The following PTK2B variants were observed in gnomAD, a reference collection of about 807,000 sequenced individuals.
PTK2B encodes the protein protein-tyrosine kinase 2-beta.
Under a neutral mutation model 142.9 loss-of-function variants are expected in PTK2B, and 71 were observed. The observed-to-expected ratio is 0.50, with a 90% confidence interval of 0.41 to 0.61. PTK2B has a LOEUF of 0.61. PTK2B is among the 20% of genes least tolerant of loss of function. The pLI, the probability that PTK2B is intolerant of heterozygous loss-of-function variation, is 0.00. For missense variants in PTK2B, 1,105 were observed against 1,320.4 expected (o/e 0.84, Z 2.53); for synonymous variants, 519 against 503.4 (o/e 1.03, Z -0.42).
chr8:27,430,930 A>G lies in PTK2B; in HGVS notation c.724A>G (p.Arg242Gly), dbSNP rs1042968623. 3 of 1,614,074 alleles carry G rather than the reference A, an allele frequency of 1.9e-6. No individual in the cohort carries two copies. Among genetic ancestry groups the G allele is most frequent in the African/African-American group, 2.7e-5 (2 of 74,942 alleles). Residue 242 changes from arginine to glycine, a missense_variant, in exon 8 of 31, where the codon AGG (arginine) becomes GGG (glycine). Transcript: ENST00000346049. ...QQTFQQYASL[R>G]EEECVMKFFN... Reference sequence around the variant, plus strand: ...GACCTTCCAGCAGTACGCCTCGCTCAGGGAGGAGGAGTGCGTCATGAAGTT... The same window carrying G: ...GACCTTCCAGCAGTACGCCTCGCTCGGGGAGGAGGAGTGCGTCATGAAGTT...
At chr8:27,377,541 C>T (rs1347656732) in intron 1 of PTK2B, among the ~76,000 whole-genome samples, 2 of 152,104 alleles carry the variant, frequency 1.3e-5, no homozygotes, top group Non-Finnish European at 2.9e-5. Flanking sequence ...ATGGGGAGGT[C>T]TTAGTTCTAG....
chr8:27,371,398 T>A (rs929392301), intron 1 of PTK2B, among the ~76,000 whole-genome samples: 3 of 152,180 alleles, frequency 2.0e-5, no homozygotes, highest in Non-Finnish European at 4.4e-5. Context: ...GCGTGAAGAA[T>A]GTGAGTTTTG....
intron 2 of PTK2B, among the ~76,000 whole-genome samples, chr8:27,417,367 TTCTA>T: frequency 6.6e-6 from 1 of 152,030 alleles, no homozygotes; most frequent in African/African-American, 2.4e-5. Context: ...TTATACGAAG[TTCTA>T]GAACAGGCAA....
chr8:27,432,314 G>C lies in PTK2B; in HGVS notation c.940G>C (p.Glu314Gln). The C allele has an allele frequency of 6.2e-7, 1 of 1,614,066 alleles. No homozygotes were observed. The highest frequency in any genetic ancestry group is 8.5e-7 in the Non-Finnish European group (1 of 1,180,034). The change falls in exon 10 of 31, where the codon GAG becomes CAG. Residue 314 changes from glutamate to glutamine, a missense_variant. Transcript: ENST00000346049. The stretch of plus-strand genomic sequence containing the variant: ...CAGGTCCATCAGGTGCCTCCCGCTG[G>C]AGGAGGGCCAGGCAGTACTTCAGCT... ...QIRSIRCLPL[E>Q]EGQAVLQLGI...
intron 10 of PTK2B, 125 bp downstream of exon 10, chr8:27,432,486 T>A (rs1422554980): frequency 1.2e-6 from 1 of 828,332 alleles, no homozygotes; most frequent in African/African-American, 1.7e-5. Context: ...GCTTTGGGGA[T>A]CGTGTTAAGA....
intron 2 of PTK2B, among the ~76,000 whole-genome samples, chr8:27,312,700 C>T (rs1187216771): frequency 6.6e-6 from 1 of 152,170 alleles, no homozygotes; most frequent in Non-Finnish European, 1.5e-5. Flanking sequence ...AATTAGAATT[C>T]CTTTTCCCCA....
chr8:27,380,778 AG>A (rs1806966115), intron 1 of PTK2B: 1 of 152,184 alleles, frequency 6.6e-6, no homozygotes, highest in Non-Finnish European at 1.5e-5. Flanking sequence ...CCCAGTGGAG[AG>A]GCCTCACCAT....
rs774375387 is a variant in PTK2B at position 27,454,335 on chromosome 8, C to T, written c.2733+44C>T. The T allele has an allele frequency of 2.9e-5, 47 of 1,597,132 alleles. 1 individual carries two copies. The South Asian group carries it at 3.7e-4, about 13-fold the overall frequency. On this transcript the variant is annotated intron_variant, in intron 29 of 30. Coordinates refer to ENST00000346049, the MANE Select transcript of PTK2B (RefSeq NM_173176.3). ...TGGGGAGGTGGAGGCGGCTCAAGTC[C>T]GCCCTGGAAGGAAAGGGGACTGCGC... is the stretch of plus-strand genomic sequence containing the variant.
chr8:27,350,990 A>AAAATATATAT (rs1554483396), intron 1 of PTK2B, among the ~76,000 whole-genome samples: 2 of 12,088 alleles, frequency 1.7e-4, no homozygotes, highest in Non-Finnish European at 3.1e-4. Flanking sequence ...AAAAAAAAAA[A>AAAATATATAT]ATATATATAT....
chr8:27,451,953 C>A, intron 27 of PTK2B: 1 of 222,686 alleles, frequency 4.5e-6, no homozygotes, highest in Non-Finnish European at 7.8e-6. Flanking sequence ...CTCCAGAAGA[C>A]CCTGTTGCAG....
chr8:27,443,537 C>T (rs1298098616), intron 22 of PTK2B, among the ~76,000 whole-genome samples: 1 of 152,202 alleles, frequency 6.6e-6, no homozygotes, highest in African/African-American at 2.4e-5. Context: ...TGAGGGCTCT[C>T]TGCCTGGCTT....
In PTK2B at chr8:27,459,089, G is replaced by A. The variant is rs191973179; in HGVS notation, c.*580G>A. The A allele has an allele frequency of 2.5e-5, 6 of 244,750 alleles. No individual in the cohort carries two copies. The highest frequency in any genetic ancestry group is 4.9e-5 in the Non-Finnish European group (6 of 123,550). The allele number at this position is 244,750 out of a possible 1,614,324, so 15.2% of individuals were successfully genotyped here. On this transcript the variant is annotated 3_prime_UTR_variant, in exon 31 of 31. Coordinates refer to ENST00000346049, the MANE Select transcript of PTK2B (RefSeq NM_173176.3). ...AGGGAGGACCTGGGGCACAGTCCAG[G>A]AACAAGCTAATTGGGAGTCCAGGCA...
intron 4 of PTK2B, among the ~76,000 whole-genome samples, chr8:27,421,682 C>A (rs75895489): frequency 0.027 from 4,067 of 152,306 alleles, 178 homozygotes; most frequent in African/African-American, 0.089. Context: ...ATACCACCCC[C>A]CTCCTCAGCC....
At chr8:27,354,773 C>G (rs890964040) in intron 1 of PTK2B, among the ~76,000 whole-genome samples, 11 of 152,108 alleles carry the variant, frequency 7.2e-5, no homozygotes, top group Non-Finnish European at 1.5e-4. Flanking sequence ...GCTTGCCTTC[C>G]TTGTCTCATT....
In PTK2B at chr8:27,435,847, T is replaced by A. The variant is rs377593526; in HGVS notation, c.1243+54T>A. The A allele has an allele frequency of 1.7e-5, 27 of 1,562,018 alleles. No homozygotes were observed. In the African/African-American group the frequency reaches 3.1e-4, roughly 18 times the overall value. ...GTAGTCAAGGCCCTGTGAAATGACA[T>A]GGCAAGGACTCTGGTGACACCACAG... On this transcript the variant is annotated intron_variant, in intron 14 of 30. Transcript: ENST00000346049.
chr8:27,385,221 A>C (rs1056485011), intron 1 of PTK2B, among the ~76,000 whole-genome samples: 4 of 152,198 alleles, frequency 2.6e-5, no homozygotes, highest in Non-Finnish European at 5.9e-5. Context: ...GGGCTACGGA[A>C]GCACTCTGTT....
At chr8:27,328,011 A>C (rs950594804) in intron 1 of PTK2B, among the ~76,000 whole-genome samples, 2 of 152,226 alleles carry the variant, frequency 1.3e-5, no homozygotes, top group Non-Finnish European at 2.9e-5. Flanking sequence ...TCTCAGGTGA[A>C]ATACATAGTA....
At chr8:27,368,771 A>G (rs1389820012) in intron 1 of PTK2B, among the ~76,000 whole-genome samples, 4 of 152,236 alleles carry the variant, frequency 2.6e-5, no homozygotes, top group African/African-American at 9.6e-5. Flanking sequence ...GCTTCTGTCC[A>G]GGAACACTGA....
At chr8:27,369,925 T>C (rs113176200) in intron 1 of PTK2B, among the ~76,000 whole-genome samples, 7,731 of 150,868 alleles carry the variant, frequency 0.051, 522 homozygotes, top group African/African-American at 0.16. Context: ...TGCAGTGAGC[T>C]GAGATCACAC....
Sources: gnomAD v4.1 joint callset for allele counts (sites outside exome capture counted in the v4.1 genomes callset) on GRCh38, gnomAD v4.1.1 for gene constraint, MANE v1.5 for transcripts, NCBI Gene and HGNC (gene_info 2026-07-23, HGNC 2026-07-21) for gene names.